Variants in HACD3 observed in about 807,000 individuals in gnomAD.
The protein encoded by HACD3 is 3-hydroxyacyl-CoA dehydratase 3, also known as very-long-chain (3R)-3-hydroxyacyl-CoA dehydratase 3.
In HACD3, 30 loss-of-function variants were observed where a neutral mutation model predicts 55.2. That is an observed-to-expected ratio of 0.54 (90% CI 0.41 to 0.74). HACD3 has a LOEUF of 0.74. Among genes scored for constraint, HACD3 ranks in the 30% least tolerant of loss-of-function variants. HACD3 has a pLI of 0.00. For missense variants in HACD3, 363 were observed against 440.1 expected (o/e 0.82, Z 1.57); for synonymous variants, 141 against 151.7 (o/e 0.93, Z 0.52).
intron 4 of HACD3, 29 bp downstream of exon 4, chr15:65,556,932 T>C: frequency 6.3e-7 from 1 of 1,588,934 alleles, no homozygotes; most frequent in Non-Finnish European, 8.6e-7. Flanking sequence ...ATCTAGCCAT[T>C]GAGGACAAAT....
At chr15:65,568,406 T>C (rs982135239) in intron 7 of HACD3, among the ~76,000 whole-genome samples, 3 of 152,054 alleles carry the variant, frequency 2.0e-5, no homozygotes, top group Middle Eastern at 3.4e-3. Flanking sequence ...TCACCCAGGC[T>C]GGAGTGCAGT....
At chr15:65,556,711 A>C in intron 3 of HACD3, 28 bp from the exon 4 acceptor site, 1 of 1,582,182 alleles carries the variant, frequency 6.3e-7, no homozygotes, top group Non-Finnish European at 8.6e-7. Flanking sequence ...AGAAGAGGGC[A>C]TTCTCACATT....
intron 1 of HACD3, 131 bp downstream of exon 1, chr15:65,530,849 C>T (rs1596200179): frequency 3.5e-6 from 3 of 862,064 alleles, no homozygotes; most frequent in South Asian, 1.9e-5. Flanking sequence ...CGACGCGGTG[C>T]GCTTACGGCG....
intron 1 of HACD3, among the ~76,000 whole-genome samples, chr15:65,538,277 T>G (rs1228718562): frequency 6.6e-6 from 1 of 152,140 alleles, no homozygotes; most frequent in Non-Finnish European, 1.5e-5. Flanking sequence ...TAGATACCAT[T>G]AAGATCATTT....
chr15:65,545,307 TA>T (rs1016352167), intron 1 of HACD3, among the ~76,000 whole-genome samples: 2 of 152,210 alleles, frequency 1.3e-5, no homozygotes, highest in African/African-American at 4.8e-5. Context: ...TAAAAATGGT[TA>T]ATATGAAGGA....
At chr15:65,554,602 C>T (rs544730345) in intron 2 of HACD3, among the ~76,000 whole-genome samples, 2 of 152,036 alleles carry the variant, frequency 1.3e-5, no homozygotes, top group South Asian at 2.1e-4. Flanking sequence ...GGTGAAACCC[C>T]GTCTCTACTA....
intron 1 of HACD3, among the ~76,000 whole-genome samples, chr15:65,537,774 TAGAG>T (rs1418423445): frequency 1.2e-5 from 1 of 83,456 alleles, no homozygotes; most frequent in Non-Finnish European, 2.0e-5. Context: ...GCCTGGGCAA[TAGAG>T]AGAGACTCTG....
chr15:65,572,596 A>T (rs1489685986), intron 10 of HACD3, among the ~76,000 whole-genome samples: 1 of 152,200 alleles, frequency 6.6e-6, no homozygotes, highest in Non-Finnish European at 1.5e-5. Flanking sequence ...GTGATTGGGA[A>T]TATACCATAA....
At chr15:65,544,578 A>G (rs1036419407) in intron 1 of HACD3, among the ~76,000 whole-genome samples, 2 of 152,148 alleles carry the variant, frequency 1.3e-5, no homozygotes, top group African/African-American at 2.4e-5. Flanking sequence ...GTGGGTACAC[A>G]GTAGGTGTGT....
chr15:65,531,357 G>C (rs780898130), intron 1 of HACD3: 3 of 152,246 alleles, frequency 2.0e-5, no homozygotes, highest in African/African-American at 7.2e-5. Context: ...GGTTTGCTGA[G>C]TTGCACAGAG....
intron 6 of HACD3, 125 bp from the exon 7 acceptor site, chr15:65,564,090 A>T (rs1050489407): frequency 4.5e-5 from 55 of 1,227,150 alleles, no homozygotes; most frequent in Non-Finnish European, 5.7e-5. Flanking sequence ...AGAAACTTGA[A>T]TCTGACTGGA....
At chr15:65,551,453 G>T (rs1471684474) in intron 1 of HACD3, among the ~76,000 whole-genome samples, 1 of 152,196 alleles carries the variant, frequency 6.6e-6, no homozygotes, top group African/African-American at 2.4e-5. Context: ...GTTAGAGCAG[G>T]TTAGGGTCCT....
At position 65,570,187 on chromosome 15, in the gene HACD3, G is replaced by A. The variant is rs2072334675; in HGVS notation, c.757G>A (p.Ala253Thr). 6.2e-7 allele frequency: 1 copy of A among 1,609,230 alleles called. No individual in the cohort carries two copies. Among genetic ancestry groups the A allele is most frequent in the African/African-American group, 1.3e-5 (1 of 74,788 alleles). Reference sequence around the variant, plus strand: ...TTTCTTTGTGTTTTATTTGTGGAGTGCAATTGAAATTTTCAGGTGGGTAGA... The same window carrying A: ...TTTCTTTGTGTTTTATTTGTGGAGTACAATTGAAATTTTCAGGTGGGTAGA... The part of the protein sequence containing the change: ...VVFFVFYLWS[A>T]IEIFRYSFYM... The change falls in exon 8 of 11, where the codon GCA becomes ACA. Residue 253 changes from alanine (A) to threonine (T), a missense_variant. Ala to Thr is a moderately conservative substitution (Grantham distance 58). Coordinates refer to ENST00000261875, the MANE Select transcript of HACD3 (RefSeq NM_016395.4).
At chr15:65,560,388 A>C (rs1163353758) in intron 5 of HACD3, among the ~76,000 whole-genome samples, 3 of 152,148 alleles carry the variant, frequency 2.0e-5, no homozygotes, top group Admixed American at 6.5e-5. Context: ...TTACTCTGTA[A>C]TTGGCTGTAT....
intron 7 of HACD3, 127 bp downstream of exon 7, chr15:65,564,469 AAG>A (rs1467480081): frequency 3.3e-6 from 4 of 1,223,636 alleles, no homozygotes; most frequent in African/African-American, 1.5e-5. Context: ...TTACAAAAGA[AAG>A]AGGTTTAATT....
intron 2 of HACD3, among the ~76,000 whole-genome samples, chr15:65,554,526 A>G (rs1454934604): frequency 6.6e-6 from 1 of 152,222 alleles, no homozygotes; most frequent in Non-Finnish European, 1.5e-5. Context: ...CTGTAATCCC[A>G]GCACTTTGGG....
At chr15:65,576,217 C>T in intron 10 of HACD3, 86 bp from the exon 11 acceptor site, 1 of 1,517,768 alleles carries the variant, frequency 6.6e-7, no homozygotes, top group Non-Finnish European at 8.8e-7. Flanking sequence ...AATATGACGA[C>T]AGCTAGATAC....
At chr15:65,547,351 A>T (rs1236747681) in intron 1 of HACD3, among the ~76,000 whole-genome samples, 1 of 152,068 alleles carries the variant, frequency 6.6e-6, no homozygotes, top group Non-Finnish European at 1.5e-5. Context: ...TCCTGACCTC[A>T]TGATCCACCC....
At chr15:65,553,858 T>C (rs1253452065) in intron 2 of HACD3, among the ~76,000 whole-genome samples, 1 of 151,932 alleles carries the variant, frequency 6.6e-6, no homozygotes, top group East Asian at 1.9e-4. Flanking sequence ...GGAAGGGTGG[T>C]TCAGCAGCAG....
Sources: gnomAD v4.1 joint callset for allele counts (sites outside exome capture counted in the v4.1 genomes callset) on GRCh38, gnomAD v4.1.1 for gene constraint, MANE v1.5 for transcripts, NCBI Gene and HGNC (gene_info 2026-07-23, HGNC 2026-07-21) for gene names.